The following ZNF638 variants were observed in gnomAD, a reference collection of about 807,000 sequenced individuals.
ZNF638 encodes the protein zinc finger protein 638.
In ZNF638, 46 loss-of-function variants were observed where a neutral mutation model predicts 195.6. The ratio of observed to expected loss-of-function variants is 0.24; its 90% CI spans 0.19 to 0.30. The LOEUF (loss-of-function observed/expected upper bound fraction) is 0.30. ZNF638 is among the 10% of genes least tolerant of loss of function. ZNF638 has a pLI of 1.00. For synonymous variants in ZNF638, 845 were observed against 772.0 expected, an observed-to-expected ratio of 1.09 and a Z score of -1.57; for missense variants, 2,440 against 2,325.3, an observed-to-expected ratio of 1.05 and a Z score of -1.01.
chr2:71,386,579 T>G (rs1037424509), intron 10 of ZNF638, among the ~76,000 whole-genome samples: 1 of 152,140 alleles, frequency 6.6e-6, no homozygotes, highest in Non-Finnish European at 1.5e-5. Flanking sequence ...ACACCGTTAT[T>G]TGCAAATATG....
chr2:71,362,391 C>G (rs1241119659), intron 3 of ZNF638, among the ~76,000 whole-genome samples: 1 of 152,128 alleles, frequency 6.6e-6, no homozygotes, highest in Non-Finnish European at 1.5e-5. Context: ...TACACTTATT[C>G]TGAAAACATT....
At chr2:71,388,575 C>A in intron 10 of ZNF638, 1 of 762,448 alleles carries the variant, frequency 1.3e-6, no homozygotes, top group Non-Finnish European at 2.4e-6. Flanking sequence ...GCTGCGCTCA[C>A]GCAAAATACC....
At chr2:71,396,746 C>G (rs2079902163) in intron 11 of ZNF638, among the ~76,000 whole-genome samples, 1 of 152,104 alleles carries the variant, frequency 6.6e-6, no homozygotes, top group South Asian at 2.1e-4. Flanking sequence ...GGAGTTAAGT[C>G]CAGCTTGGCC....
At chr2:71,426,044 CT>C (rs1330111037) in intron 23 of ZNF638, among the ~76,000 whole-genome samples, 3 of 152,162 alleles carry the variant, frequency 2.0e-5, no homozygotes, top group Non-Finnish European at 4.4e-5. Flanking sequence ...TAGCTGTTTA[CT>C]TTCTAACTAT....
chr2:71,346,853 C>G (rs2078858414), intron 1 of ZNF638, among the ~76,000 whole-genome samples: 1 of 152,000 alleles, frequency 6.6e-6, no homozygotes. Flanking sequence ...AACCCCATCT[C>G]TACTAAAAAT....
intron 3 of ZNF638, chr2:71,361,588 T>C (rs147189940): frequency 1.3e-5 from 2 of 152,334 alleles, no homozygotes; most frequent in African/African-American, 4.8e-5. Flanking sequence ...ATATTGGGAA[T>C]TGTTGACACT....
At chr2:71,402,202 T>C (rs911845937) in intron 16 of ZNF638, 115 bp downstream of exon 16, 1 of 1,092,004 alleles carries the variant, frequency 9.2e-7, no homozygotes, top group East Asian at 2.8e-5. Flanking sequence ...AAGTAAACTT[T>C]CAAGCTAAGG....
chr2:71,426,429 T>A (rs372996809), intron 23 of ZNF638, 31 bp from the exon 24 acceptor site: 278 of 1,505,736 alleles, frequency 1.8e-4, no homozygotes, highest in Non-Finnish European at 2.4e-4. Flanking sequence ...AAAATTTGTT[T>A]ACAATACTAT....
Position 71,331,844 on chromosome 2 carries a change from A to G in ZNF638, c.-234A>G, listed in dbSNP as rs947730057. Reference sequence around the variant, plus strand: ...GAGTGCTAAACTGTGTGGGGCGCGGATGGGATCCAGCTGTTAGTCGGGTAG... The same window carrying G: ...GAGTGCTAAACTGTGTGGGGCGCGGGTGGGATCCAGCTGTTAGTCGGGTAG... On this transcript the variant is annotated 5_prime_UTR_variant, in exon 1 of 28. It removes an upstream start codon present in the reference 5' UTR. Transcript: ENST00000264447. The G allele has an allele frequency of 9.1e-6, 9 of 986,098 alleles. No homozygotes were observed. The highest frequency in any genetic ancestry group is 1.1e-5 in the Non-Finnish European group (9 of 830,264). 61.1% of individuals were successfully genotyped at this position (986,098 alleles called of 1,614,324 possible).
intron 17 of ZNF638, among the ~76,000 whole-genome samples, chr2:71,405,004 A>G (rs1401566898): frequency 6.6e-6 from 1 of 152,180 alleles, no homozygotes; most frequent in East Asian, 1.9e-4. Context: ...AATCACTCTA[A>G]TGTGATGTAA....
At chr2:71,363,243 A>G in intron 4 of ZNF638, 52 bp downstream of exon 4, 3 of 1,322,608 alleles carry the variant, frequency 2.3e-6, no homozygotes, top group Non-Finnish European at 3.1e-6. Flanking sequence ...TTTTAAAAGT[A>G]AACAGTTAAT....
intron 10 of ZNF638, among the ~76,000 whole-genome samples, chr2:71,394,870 A>G (rs747208149): frequency 6.6e-6 from 1 of 152,214 alleles, no homozygotes; most frequent in Admixed American, 6.5e-5. Context: ...GTTCTTGCAC[A>G]TCTGCAAGCC....
At chr2:71,368,048 A>C (rs889656188) in intron 6 of ZNF638, among the ~76,000 whole-genome samples, 1 of 152,198 alleles carries the variant, frequency 6.6e-6, no homozygotes, top group African/African-American at 2.4e-5. Flanking sequence ...AGTTTCATAG[A>C]AAAATTCTCT....
intron 8 of ZNF638, among the ~76,000 whole-genome samples, chr2:71,371,548 G>T (rs192509430): frequency 2.6e-4 from 39 of 152,182 alleles, no homozygotes; most frequent in African/African-American, 7.0e-4. Context: ...TTTTAACCGG[G>T]GTAAGATGGT....
intron 20 of ZNF638, among the ~76,000 whole-genome samples, chr2:71,417,939 G>A (rs1202246295): frequency 6.6e-6 from 1 of 152,170 alleles, no homozygotes; most frequent in African/African-American, 2.4e-5. Flanking sequence ...TACCCAGAGA[G>A]TGCATGATTT....
At chr2:71,390,467 G>A (rs1053952899) in intron 10 of ZNF638, among the ~76,000 whole-genome samples, 2 of 152,180 alleles carry the variant, frequency 1.3e-5, no homozygotes, top group Admixed American at 6.5e-5. Context: ...GTGCTCACCA[G>A]GGTAATTGAT....
intron 4 of ZNF638, 135 bp from the exon 5 acceptor site, chr2:71,363,819 G>A (rs946383201): frequency 1.8e-6 from 2 of 1,121,320 alleles, no homozygotes; most frequent in South Asian, 1.7e-5. Context: ...ACAGATTTTT[G>A]TTTTAAGTAC....
At chr2:71,419,770 T>C (rs2080385736) in intron 21 of ZNF638, among the ~76,000 whole-genome samples, 1 of 152,154 alleles carries the variant, frequency 6.6e-6, no homozygotes, top group African/African-American at 2.4e-5. Flanking sequence ...ACCCATTTTA[T>C]TTCATTTTAC....
Position 71,403,955 on chromosome 2 carries a change from T to C in ZNF638, c.2915T>C (p.Leu972Pro). The C allele has an allele frequency of 6.2e-7, 1 of 1,612,562 alleles. No individual in the cohort carries two copies. Among genetic ancestry groups the C allele is most frequent in the Non-Finnish European group, 8.5e-7 (1 of 1,178,936 alleles). ...CCAGTATTGATGGATGGAAATCAAC[T>C]CTCAATAAGTATGGCTCCTGAAAAC... ...CFPVLMDGNQ[L>P]SISMAPENMN... Residue 972 changes from leucine to proline, a missense_variant, in exon 17 of 28, where the codon CTC becomes CCC. By Grantham distance (98) the Leu-to-Pro change is moderately conservative. Coordinates refer to ENST00000264447, the MANE Select transcript of ZNF638 (RefSeq NM_014497.5).
Sources: allele counts gnomAD v4.1 joint callset (sites outside exome capture counted in the v4.1 genomes callset), GRCh38; gene constraint gnomAD v4.1.1; transcripts MANE v1.5; gene names NCBI Gene and HGNC (gene_info 2026-07-23, HGNC 2026-07-21).